The following ZNF560 variants were observed in gnomAD, a reference collection of about 807,000 sequenced individuals.
ZNF560 encodes the protein zinc finger protein 560.
Under a neutral mutation model 81.8 loss-of-function variants are expected in ZNF560, and 54 were observed. The ratio of observed to expected loss-of-function variants is 0.66; its 90% CI spans 0.53 to 0.83. The LOEUF (loss-of-function observed/expected upper bound fraction) is 0.83. Ranked by LOEUF, ZNF560 falls within the 40% of genes least tolerant of loss-of-function variation. The pLI is 0.00. For missense variants in ZNF560, 940 were observed against 932.4 expected (o/e 1.01, Z -0.11); for synonymous variants, 321 against 317.9 (o/e 1.01, Z -0.10).
At chr19:9,469,056 C>T in intron 9 of ZNF560, 49 bp downstream of exon 9, 1 of 1,400,086 alleles carries the variant, frequency 7.1e-7, no homozygotes, top group African/African-American at 1.4e-5. Flanking sequence ...AATGCAATAC[C>T]AGTCTTCTCT....
Position 9,467,753 on chromosome 19 carries a change from G to A in ZNF560, c.1194C>T (p.His398=). The A allele has an allele frequency of 2.5e-6, 4 of 1,614,202 alleles. No homozygotes were observed. The highest frequency in any genetic ancestry group is 2.5e-6 in the Non-Finnish European group (3 of 1,180,046). ...TACACCCATAGGGCTTCTCTCCAGT[G>A]TGAGTTCGTACATGTTCAAGAAAGC... ...PSGFLEHVRT[H]TGEKPYGCKE... The change falls in exon 10 of 10, where the codon CAC becomes CAT. Residue 398 remains histidine (H), a synonymous_variant. Coordinates refer to ENST00000301480, the MANE Select transcript of ZNF560 (RefSeq NM_152476.3).
chr19:9,465,260 A>G (rs1392516992), downstream of ZNF560, among the ~76,000 whole-genome samples: 1 of 151,232 alleles, frequency 6.6e-6, no homozygotes, highest in African/African-American at 2.4e-5. Context: ...GCTCTTGAGT[A>G]GCTGGGATTA....
At chr19:9,470,825 T>C (rs2073109733) in intron 6 of ZNF560, among the ~76,000 whole-genome samples, 1 of 152,186 alleles carries the variant, frequency 6.6e-6, no homozygotes, top group Non-Finnish European at 1.5e-5. Context: ...ACTTGATAAA[T>C]GAGGATATGG....
chr19:9,477,652 A>G (rs1599661705), intron 2 of ZNF560, among the ~76,000 whole-genome samples: 1 of 152,280 alleles, frequency 6.6e-6, no homozygotes, highest in East Asian at 1.9e-4. Flanking sequence ...TCTGCCCCTT[A>G]TATTGACTAT....
rs2073148914 is a variant in ZNF560 at position 9,473,181 on chromosome 19, T to C, written c.236A>G (p.Gln79Arg). ...ELRTLQQGVL[Q>R]DWAIKHQTSV... ...GGTTGTTCTTCACAAATACTCACCT[T>C]GGAGAACTCCTTGCTGCAAGGTTCT... The change falls in exon 5 of 10, where the codon CAA (glutamine) becomes CGA (arginine). Residue 79 changes from glutamine (Q) to arginine (R), a missense_variant and splice_region_variant. Coordinates refer to ENST00000301480, the MANE Select transcript of ZNF560 (RefSeq NM_152476.3). 1 of 1,613,682 alleles carries C rather than the reference T, an allele frequency of 6.2e-7. No homozygotes were observed. Among genetic ancestry groups the C allele is most frequent in the African/African-American group, 1.3e-5 (1 of 74,934 alleles).
chr19:9,490,354 G>A (rs771777043), intron 2 of ZNF560, among the ~76,000 whole-genome samples: 17 of 152,154 alleles, frequency 1.1e-4, no homozygotes, highest in Non-Finnish European at 2.2e-4. Context: ...AACCAAGTGG[G>A]TAGCACTTAA....
At chr19:9,489,222 T>C (rs1012310552) in intron 2 of ZNF560, among the ~76,000 whole-genome samples, 1 of 152,178 alleles carries the variant, frequency 6.6e-6, no homozygotes, top group African/African-American at 2.4e-5. Flanking sequence ...TCGACAGAGG[T>C]GCTCCTCACT....
intron 2 of ZNF560, among the ~76,000 whole-genome samples, chr19:9,495,778 T>A (rs563848033): frequency 6.6e-6 from 1 of 152,306 alleles, no homozygotes; most frequent in East Asian, 1.9e-4. Flanking sequence ...ATTTGAGTAT[T>A]CTTATTCAGG....
chr19:9,479,124 T>C (rs1043943545), intron 2 of ZNF560, among the ~76,000 whole-genome samples: 6 of 151,350 alleles, frequency 4.0e-5, no homozygotes, highest in Non-Finnish European at 8.8e-5. Flanking sequence ...CAGATGAAGA[T>C]TGCAGTGAGC....
chr19:9,460,107 A>G, the ZNF560 span, among the ~76,000 whole-genome samples: 14 of 152,210 alleles, frequency 9.2e-5, no homozygotes, highest in Admixed American at 2.0e-4. Context: ...TCAACAGCCA[A>G]TTTGGGTGCC....
intron 2 of ZNF560, among the ~76,000 whole-genome samples, chr19:9,493,667 CTT>C (rs2073508042): frequency 6.6e-6 from 1 of 152,114 alleles, no homozygotes; most frequent in South Asian, 2.1e-4. Flanking sequence ...CAGGTTTTCT[CTT>C]TGATTGTTAC....
chr19:9,466,572 C>A lies in ZNF560; in HGVS notation c.*2G>T, dbSNP rs1399838816. 3.2e-6 allele frequency: 5 copies of A among 1,585,566 alleles called. No homozygotes were observed. Among genetic ancestry groups the A allele is most frequent in the African/African-American group, 1.4e-5 (1 of 73,908 alleles). ...CATTCTTCACATCCACAGGGCTTCT[C>A]TCTAGTGTGTTTTCAAATGTGCAAT... On this transcript the variant is annotated 3_prime_UTR_variant, in exon 10 of 10. Coordinates refer to ENST00000301480, the MANE Select transcript of ZNF560 (RefSeq NM_152476.3).
intron 2 of ZNF560, among the ~76,000 whole-genome samples, chr19:9,489,711 T>C (rs1459204996): frequency 6.6e-6 from 1 of 152,022 alleles, no homozygotes; most frequent in Non-Finnish European, 1.5e-5. Context: ...TGCCTCAGCC[T>C]TCTGAGTAGC....
Position 9,471,322 on chromosome 19 carries a change from T to C in ZNF560, c.295A>G (p.Ile99Val), listed in dbSNP as rs140557931. ...VSALQQEFWK[I>V]QTSNGIQMDL... ...ATTTGTATCCCATTAGAAGTTTGTA[T>C]TTTCCAAAACTCCTGCTGCAGTGCT... Residue 99 changes from isoleucine (I) to valine (V), a missense_variant, in exon 6 of 10, where the codon ATA becomes GTA. Transcript: ENST00000301480. The C allele has an allele frequency of 2.0e-5, 32 of 1,601,774 alleles. No individual in the cohort carries two copies. The highest frequency in any genetic ancestry group is 2.4e-5 in the Non-Finnish European group (28 of 1,175,434).
chr19:9,500,529 C>T (rs182879421), upstream of ZNF560, among the ~76,000 whole-genome samples: 196 of 151,818 alleles, frequency 1.3e-3, no homozygotes, highest in Middle Eastern at 0.01. Flanking sequence ...GCTGTGTTTT[C>T]GTAAGTGCGT....
At chr19:9,457,645 T>C in the ZNF560 span, among the ~76,000 whole-genome samples, 1 of 152,224 alleles carries the variant, frequency 6.6e-6, no homozygotes, top group Admixed American at 6.5e-5. Context: ...CCTGACGCAA[T>C]TCAGACTACT....
intron 4 of ZNF560, among the ~76,000 whole-genome samples, chr19:9,473,852 A>G (rs2144695227): frequency 6.6e-6 from 1 of 151,936 alleles, no homozygotes; most frequent in East Asian, 2.0e-4. Context: ...AGTGAAACAA[A>G]GAGACCCTTG....
chr19:9,473,826 G>GA (rs1045576273), intron 4 of ZNF560, among the ~76,000 whole-genome samples: 18 of 151,408 alleles, frequency 1.2e-4, no homozygotes, highest in African/African-American at 4.4e-4. Flanking sequence ...CCTGAATGAA[G>GA]AAAAAAAAGA....
intron 2 of ZNF560, among the ~76,000 whole-genome samples, chr19:9,487,583 C>T (rs1320839247): frequency 1.3e-5 from 2 of 152,148 alleles, no homozygotes; most frequent in African/African-American, 4.8e-5. Flanking sequence ...TGGAGGAGGA[C>T]CAAAGCAGGA....
Sources: allele counts gnomAD v4.1 joint callset (sites outside exome capture counted in the v4.1 genomes callset), GRCh38; gene constraint gnomAD v4.1.1; transcripts MANE v1.5; gene names NCBI Gene and HGNC (gene_info 2026-07-23, HGNC 2026-07-21).